Variants in UPP2 observed in about 807,000 individuals in gnomAD.
UPP2 encodes UPase 2.
A neutral mutation model predicts 26.7 loss-of-function variants in UPP2; 23 were observed. The observed-to-expected ratio is 0.86, with a 90% confidence interval of 0.62 to 1.22. UPP2 has a LOEUF of 1.22. Ranked by LOEUF, UPP2 falls within the 50% of genes most tolerant of loss-of-function variation. The pLI is 0.00. For synonymous variants in UPP2, 127 were observed against 141.3 expected (o/e 0.90, Z 0.72); for missense variants, 387 against 396.7 (o/e 0.98, Z 0.21).
intron 2 of UPP2, among the ~76,000 whole-genome samples, chr2:158,009,859 A>G (rs2105139982): frequency 6.6e-6 from 1 of 152,336 alleles, no homozygotes; most frequent in East Asian, 1.9e-4. Context: ...GCAAAGGGCT[A>G]TGCAGGGTTA....
chr2:158,055,899 G>A (rs994046515), intron 3 of UPP2, among the ~76,000 whole-genome samples: 1 of 152,106 alleles, frequency 6.6e-6, no homozygotes, highest in African/African-American at 2.4e-5. Flanking sequence ...CTCCTTCCCT[G>A]GATGGCAAGG....
At position 158,018,303 on chromosome 2, in the gene UPP2, C is replaced by T. The variant is rs183985787; in HGVS notation, c.147+2417C>T. Among the ~76,000 whole-genome samples the T allele has an allele frequency of 3.9e-3, 597 of 152,288 alleles. 4 individuals are homozygous for T. The highest frequency in any genetic ancestry group is 0.014 in the African/African-American group (567 of 41,542). Reference sequence around the variant, plus strand: ...ACAGAATTCAGAAGTCTTATTAAGACGGTTTGGATTATGCTAATATTCTCT... The same window carrying T: ...ACAGAATTCAGAAGTCTTATTAAGATGGTTTGGATTATGCTAATATTCTCT... On this transcript the variant is annotated intron_variant, in intron 3 of 9. Transcript: ENST00000605860.
In UPP2 at chr2:158,121,537, G is replaced by C. The variant is rs1470958057; in HGVS notation, c.583G>C (p.Glu195Gln). 1.9e-6 allele frequency: 3 copies of C among 1,613,380 alleles called. No individual in the cohort carries two copies. Among genetic ancestry groups the C allele is most frequent in the African/African-American group, 2.7e-5 (2 of 74,878 alleles). Residue 195 changes from glutamate (E) to glutamine (Q), a missense_variant, in exon 5 of 7, where the codon GAA becomes CAA. Physicochemically the swap from Glu to Gln is conservative, Grantham distance 29. Transcript: ENST00000005756. ...TGAACTGGACAAAGAACTGTCTGAAGAACTGTTCAACTGTAGCAAAGAAAT... is the reference window on the plus strand; with the variant it reads ...TGAACTGGACAAAGAACTGTCTGAACAACTGTTCAACTGTAGCAAAGAAAT... Reference protein sequence around the residue: ...STELDKELSEELFNCSKEIPN... With the variant: ...STELDKELSEQLFNCSKEIPN...
intron 2 of UPP2, among the ~76,000 whole-genome samples, chr2:158,011,199 C>T (rs777060024): frequency 1.3e-5 from 2 of 152,054 alleles, no homozygotes; most frequent in Non-Finnish European, 2.9e-5. Flanking sequence ...TGGTTTCACA[C>T]GGCAGAAATA....
chr2:158,065,930 A>G, intron 3 of UPP2: 1 of 533,236 alleles, frequency 1.9e-6, no homozygotes, highest in Non-Finnish European at 3.5e-6. Flanking sequence ...ATGATGATGC[A>G]GTACAATTCG....
chr2:158,114,647 A>G (rs1198614169), intron 2 of UPP2, among the ~76,000 whole-genome samples: 1 of 152,214 alleles, frequency 6.6e-6, no homozygotes. Flanking sequence ...ATTTCACAAT[A>G]CAAATTTATG....
rs142555423 is a variant in UPP2, at chr2:158,114,989, C to T, written c.181-112C>T. 9.7e-4 allele frequency: 1,015 copies of T among 1,050,758 alleles called. 1 individual carries two copies. The highest frequency in any genetic ancestry group is 5.9e-3 in the African/African-American group (367 of 61,978). 65.1% of individuals were successfully genotyped at this position (1,050,758 alleles called of 1,614,324 possible). A position where few individuals can be genotyped will look rare whatever the true frequency, so the allele number is the denominator to read the frequency against. ...TGGAACATAAACCATGACATCTACA[C>T]GTGTTCTTAAGTAAATTAACTAAAA... On this transcript the variant is annotated intron_variant, in intron 2 of 6. Coordinates refer to ENST00000005756, the MANE Select transcript of UPP2 (RefSeq NM_173355.4).
intron 2 of UPP2, among the ~76,000 whole-genome samples, chr2:158,111,792 G>T (rs1683325257): frequency 6.6e-6 from 1 of 152,024 alleles, no homozygotes; most frequent in East Asian, 1.9e-4. Flanking sequence ...TTGCTCTAAG[G>T]ATTACAGTAA....
intron 2 of UPP2, among the ~76,000 whole-genome samples, chr2:158,007,236 A>T (rs1683506005): frequency 6.6e-6 from 1 of 152,172 alleles, no homozygotes; most frequent in Non-Finnish European, 1.5e-5. Flanking sequence ...CATTATACTC[A>T]GTTGACAAGT....
At chr2:158,035,981 T>A (rs1028176584) in intron 3 of UPP2, among the ~76,000 whole-genome samples, 2 of 152,164 alleles carry the variant, frequency 1.3e-5, no homozygotes, top group Non-Finnish European at 2.9e-5. Flanking sequence ...TTGGCCAAAA[T>A]TTACCAAGCT....
chr2:158,119,786 G>A (rs1240900700), intron 4 of UPP2, among the ~76,000 whole-genome samples: 1 of 151,876 alleles, frequency 6.6e-6, no homozygotes, highest in Admixed American at 6.6e-5. Flanking sequence ...CGAGGCAGTG[G>A]ATCACTTGAG....
At chr2:158,033,687 A>G (rs1376307197) in intron 3 of UPP2, among the ~76,000 whole-genome samples, 1 of 152,176 alleles carries the variant, frequency 6.6e-6, no homozygotes, top group Admixed American at 6.5e-5. Context: ...CCAACACGTT[A>G]TAATTAAAGG....
upstream of UPP2, among the ~76,000 whole-genome samples, chr2:158,098,071 C>A (rs1342650399): frequency 2.0e-5 from 3 of 151,962 alleles, no homozygotes; most frequent in Admixed American, 6.5e-5. Context: ...CACAAAAAAA[C>A]CTAGGTCTGG....
At chr2:157,996,752 A>G (rs1464016683) in intron 2 of UPP2, among the ~76,000 whole-genome samples, 1 of 152,150 alleles carries the variant, frequency 6.6e-6, no homozygotes. Flanking sequence ...ATATCGATGA[A>G]GCATATTGAT....
intron 3 of UPP2, among the ~76,000 whole-genome samples, chr2:158,084,586 G>A (rs781625018): frequency 3.6e-4 from 54 of 152,022 alleles, no homozygotes; most frequent in Non-Finnish European, 6.2e-4. Flanking sequence ...TATCGACAAA[G>A]GTTTTTCTGA....
chr2:158,046,661 TTC>T (rs1684160667), intron 3 of UPP2, among the ~76,000 whole-genome samples: 1 of 152,212 alleles, frequency 6.6e-6, no homozygotes, highest in African/African-American at 2.4e-5. Flanking sequence ...ATTGAAAATG[TTC>T]TGTCTTGACA....
At chr2:158,108,595 G>A (rs768151770) in intron 2 of UPP2, among the ~76,000 whole-genome samples, 12 of 150,406 alleles carry the variant, frequency 8.0e-5, no homozygotes, top group Non-Finnish European at 1.2e-4. Flanking sequence ...TCTCACACAC[G>A]CACACACACA....
chr2:158,038,827 C>A (rs1399198495), intron 3 of UPP2, among the ~76,000 whole-genome samples: 1 of 152,142 alleles, frequency 6.6e-6, no homozygotes, highest in East Asian at 1.9e-4. Context: ...ATGTGCCTGG[C>A]ACTAATTTTA....
At chr2:158,111,153 AGTCTTGCC>A (rs1287700083) in intron 2 of UPP2, among the ~76,000 whole-genome samples, 1 of 152,190 alleles carries the variant, frequency 6.6e-6, no homozygotes, top group African/African-American at 2.4e-5. Context: ...CTAACATTTA[AGTCTTGCC>A]GATTCCCTTT....
Sources: gnomAD v4.1 joint callset for allele counts (sites outside exome capture counted in the v4.1 genomes callset) on GRCh38, gnomAD v4.1.1 for gene constraint, MANE v1.5 for transcripts, NCBI Gene and HGNC (gene_info 2026-07-23, HGNC 2026-07-21) for gene names.